BABAM2: variants seen among roughly 807,000 people sequenced by gnomAD.
BABAM2 encodes the protein BRISC and BRCA1-A complex member 2.
Under a neutral mutation model 54.7 loss-of-function variants are expected in BABAM2, and 31 were observed. The observed-to-expected ratio is 0.57, with a 90% CI of 0.43 to 0.77. BABAM2 has a LOEUF of 0.77. Ranked by LOEUF, BABAM2 falls within the 30% of genes least tolerant of loss-of-function variation. BABAM2 has a pLI of 0.00. For missense variants in BABAM2, 364 were observed against 455.8 expected (o/e 0.80, Z 1.83); for synonymous variants, 167 against 162.9 (o/e 1.03, Z -0.19).
At chr2:28,247,642 A>T (rs940052141) in intron 10 of BABAM2, among the ~76,000 whole-genome samples, 1 of 152,208 alleles carries the variant, frequency 6.6e-6, no homozygotes, top group African/African-American at 2.4e-5. Context: ...GGCTGCCTCT[A>T]CTACTTCATG....
chr2:28,183,973 T>C (rs1003502812), intron 7 of BABAM2, among the ~76,000 whole-genome samples: 3 of 152,190 alleles, frequency 2.0e-5, no homozygotes, highest in Admixed American at 2.0e-4. Context: ...ACAACTCTTT[T>C]CTTCATGCTT....
chr2:27,998,465 A>AT (rs1337109519), intron 4 of BABAM2, among the ~76,000 whole-genome samples: 1 of 151,248 alleles, frequency 6.6e-6, no homozygotes, highest in Non-Finnish European at 1.5e-5. Flanking sequence ...GTTTGTCTAC[A>AT]TTTTTCAGTT....
At chr2:28,108,365 C>G (rs918374609) in intron 6 of BABAM2, among the ~76,000 whole-genome samples, 2 of 152,112 alleles carry the variant, frequency 1.3e-5, no homozygotes, top group Admixed American at 6.5e-5. Flanking sequence ...TTGCAACTTG[C>G]TAGGATGCTT....
chr2:28,229,630 G>T (rs1681195896), intron 7 of BABAM2, among the ~76,000 whole-genome samples: 1 of 150,024 alleles, frequency 6.7e-6, no homozygotes, highest in Non-Finnish European at 1.5e-5. Flanking sequence ...TGTCACCCAA[G>T]CTGGAGTACA....
intron 7 of BABAM2, among the ~76,000 whole-genome samples, chr2:28,217,754 CTTGATGT>C (rs1222935717): frequency 6.6e-6 from 1 of 152,044 alleles, no homozygotes; most frequent in Non-Finnish European, 1.5e-5. Context: ...AAGTAAATTG[CTTGATGT>C]TCAGTCTATA....
intron 5 of BABAM2, among the ~76,000 whole-genome samples, chr2:28,040,342 C>A (rs1202030394): frequency 8.7e-6 from 1 of 115,046 alleles, no homozygotes; most frequent in Non-Finnish European, 1.8e-5. Flanking sequence ...GCTCTGTCGC[C>A]CAGGCTGGAG....
At chr2:28,043,319 C>T (rs1241822822) in intron 5 of BABAM2, among the ~76,000 whole-genome samples, 2 of 151,658 alleles carry the variant, frequency 1.3e-5, no homozygotes, top group Non-Finnish European at 2.9e-5. Context: ...TTAGTAGAGA[C>T]GGGGTTTCAC....
chr2:28,126,264 C>T (rs1373888824), intron 6 of BABAM2, among the ~76,000 whole-genome samples: 6 of 148,298 alleles, frequency 4.0e-5, no homozygotes, highest in Admixed American at 2.0e-4. Context: ...TTTAGCATTA[C>T]GTATATCTCC....
chr2:28,111,345 G>A (rs1668008387), intron 6 of BABAM2, among the ~76,000 whole-genome samples: 1 of 151,884 alleles, frequency 6.6e-6, no homozygotes, highest in Admixed American at 6.6e-5. Flanking sequence ...TTGAATTGAG[G>A]TTGTTTGGTT....
At chr2:28,223,983 G>T (rs114248375) in intron 7 of BABAM2, among the ~76,000 whole-genome samples, 5,330 of 152,184 alleles carry the variant, frequency 0.035, 146 homozygotes, top group Non-Finnish European at 0.051. Context: ...ACACTACTTT[G>T]GTGTTCAGGG....
chr2:27,945,062 T>C (rs1168234165), intron 3 of BABAM2, among the ~76,000 whole-genome samples: 5 of 151,784 alleles, frequency 3.3e-5, no homozygotes, highest in Non-Finnish European at 7.4e-5. Context: ...TGTGGTGTAG[T>C]GTAGTGGCAC....
At chr2:27,996,038 G>C (rs1673120511) in intron 4 of BABAM2, among the ~76,000 whole-genome samples, 1 of 152,056 alleles carries the variant, frequency 6.6e-6, no homozygotes, top group Admixed American at 6.5e-5. Context: ...TTGTTTTCCA[G>C]TCCATGTGAG....
chr2:27,982,715 G>A (rs1380263929), intron 3 of BABAM2, among the ~76,000 whole-genome samples: 1 of 151,862 alleles, frequency 6.6e-6, no homozygotes, highest in African/African-American at 2.4e-5. Context: ...CAGGTGTTTC[G>A]TATAAGTGGA....
At chr2:28,299,890 G>A (rs1049282479) in intron 11 of BABAM2, among the ~76,000 whole-genome samples, 1 of 152,002 alleles carries the variant, frequency 6.6e-6, no homozygotes, top group Admixed American at 6.6e-5. Flanking sequence ...ATATTTTTCT[G>A]TAGTACAAGA....
At chr2:28,151,961 A>C (rs984026009) in intron 7 of BABAM2, among the ~76,000 whole-genome samples, 1 of 152,146 alleles carries the variant, frequency 6.6e-6, no homozygotes, top group Non-Finnish European at 1.5e-5. Context: ...TGGGGTGACA[A>C]CTGGATTATT....
chr2:27,900,750 G>T (rs1400263708), intron 2 of BABAM2, among the ~76,000 whole-genome samples: 1 of 151,678 alleles, frequency 6.6e-6, no homozygotes, highest in African/African-American at 2.4e-5. Context: ...TGACATTTTT[G>T]AAATTATAGT....
chr2:27,958,840 T>C (rs1293264583), intron 3 of BABAM2, among the ~76,000 whole-genome samples: 1 of 152,160 alleles, frequency 6.6e-6, no homozygotes, highest in South Asian at 2.1e-4. Flanking sequence ...GTGAAGTACT[T>C]TGAGCCCTGC....
At chr2:28,042,138 C>T (rs961282099) in intron 5 of BABAM2, among the ~76,000 whole-genome samples, 6 of 151,822 alleles carry the variant, frequency 4.0e-5, no homozygotes, top group South Asian at 4.2e-4. Flanking sequence ...TTTTGGCCTG[C>T]GTGACTGAAA....
chr2:27,893,365 C>A (rs1247636729), intron 1 of BABAM2, among the ~76,000 whole-genome samples: 1 of 152,264 alleles, frequency 6.6e-6, no homozygotes, highest in Non-Finnish European at 1.5e-5. Flanking sequence ...ACCTTAAGAT[C>A]CATGTTAGTC....
Sources: allele counts gnomAD v4.1 joint callset (sites outside exome capture counted in the v4.1 genomes callset), GRCh38; gene constraint gnomAD v4.1.1; transcripts MANE v1.5; gene names NCBI Gene and HGNC (gene_info 2026-07-23, HGNC 2026-07-21).